Variants in ZNF507 observed in about 807,000 individuals in gnomAD.
ZNF507 encodes zinc finger protein 507.
Under a neutral mutation model 80.0 loss-of-function variants are expected in ZNF507, and 29 were observed. The observed-to-expected ratio is 0.36, with a 90% CI of 0.27 to 0.49. The LOEUF (loss-of-function observed/expected upper bound fraction) is 0.49. Ranked by LOEUF, ZNF507 falls within the 20% of genes least tolerant of loss-of-function variation. The probability of loss-of-function intolerance (pLI) is 0.98; values close to 1 mark genes in which losing one functional copy is unlikely to be tolerated. For synonymous variants in ZNF507, 462 were observed against 422.5 expected, an observed-to-expected ratio of 1.09 and a Z score of -1.15; for missense variants, 1,081 against 1,152.2, an observed-to-expected ratio of 0.94 and a Z score of 0.90.
intron 5 of ZNF507, chr19:32,380,629 G>A (rs1184666831): frequency 6.5e-7 from 1 of 1,535,054 alleles, no homozygotes; most frequent in East Asian, 2.4e-5. Context: ...AGGTAAGTAA[G>A]TTATCTGGTT....
chr19:32,368,004 T>C (rs1221254873), intron 5 of ZNF507, among the ~76,000 whole-genome samples: 1 of 152,118 alleles, frequency 6.6e-6, no homozygotes, highest in African/African-American at 2.4e-5. Flanking sequence ...TTTGTAGACA[T>C]GGAAACAGAG....
intron 5 of ZNF507, among the ~76,000 whole-genome samples, chr19:32,365,514 A>G (rs538729974): frequency 6.6e-6 from 1 of 152,238 alleles, no homozygotes; most frequent in Admixed American, 6.5e-5. Context: ...TTTTTGTATA[A>G]GGTGAGAGAT....
intron 2 of ZNF507, among the ~76,000 whole-genome samples, chr19:32,347,909 TTG>T (rs1170795077): frequency 2.0e-5 from 3 of 152,232 alleles, no homozygotes; most frequent in Non-Finnish European, 4.4e-5. Flanking sequence ...CTCCATATAC[TTG>T]TGATATTTAT....
At chr19:32,369,202 T>C (rs986729069) in intron 5 of ZNF507, among the ~76,000 whole-genome samples, 1 of 152,196 alleles carries the variant, frequency 6.6e-6, no homozygotes, top group East Asian at 1.9e-4. Flanking sequence ...TTGGGTGTTA[T>C]TGGTTAACAT....
intron 5 of ZNF507, among the ~76,000 whole-genome samples, chr19:32,373,315 C>A (rs1300356962): frequency 1.3e-5 from 2 of 152,096 alleles, no homozygotes; most frequent in Non-Finnish European, 2.9e-5. Context: ...TAATACTATC[C>A]CTTTGGAGGT....
chr19:32,354,863 C>T lies in ZNF507; in HGVS notation c.2033C>T (p.Ala678Val), dbSNP rs144941081. ...CAGTGTCCTATCTGCGAGCACATAG[C>T]GGACAACAGCAAAGATTTGGAGAGT... ...PYQCPICEHI[A>V]DNSKDLESHM... Residue 678 changes from alanine to valine, a missense_variant, in exon 3 of 7, where the codon GCG becomes GTG. Coordinates refer to ENST00000355898, the MANE Select transcript of ZNF507 (RefSeq NM_001136156.2). 27 of 1,614,046 alleles carry T rather than the reference C, an allele frequency of 1.7e-5. No individual in the cohort carries two copies. Among genetic ancestry groups the T allele is most frequent in the Admixed American group, 1.3e-4 (8 of 60,008 alleles).
intron 5 of ZNF507, among the ~76,000 whole-genome samples, chr19:32,374,110 A>T (rs1443576200): frequency 6.6e-6 from 1 of 151,958 alleles, no homozygotes; most frequent in Non-Finnish European, 1.5e-5. Flanking sequence ...GGGACTGATA[A>T]TGTTTAACTA....
rs1967703462 is a variant in ZNF507 at position 32,387,391 on chromosome 19, CA to C, written c.*4311del. 1 of 152,160 alleles carries C rather than the reference CA, an allele frequency of 6.6e-6. No individual in the cohort carries two copies. Among genetic ancestry groups the C allele is most frequent in the Non-Finnish European group, 1.5e-5 (1 of 68,030 alleles). The allele number at this position is 152,160 out of a possible 1,614,324, so 9.4% of individuals were successfully genotyped here. ...CACCTCAGTTGAAAGTGACCAAGGC[CA>C]AATATTTCGTCCCATGCTTCCCAGG... On this transcript the variant is annotated 3_prime_UTR_variant, in exon 7 of 7. Coordinates refer to ENST00000355898, the MANE Select transcript of ZNF507 (RefSeq NM_001136156.2).
At chr19:32,346,335 G>A (rs1471366992) in intron 1 of ZNF507, among the ~76,000 whole-genome samples, 1 of 152,170 alleles carries the variant, frequency 6.6e-6, no homozygotes, top group African/African-American at 2.4e-5. Context: ...TAAGACCTGG[G>A]GGCATCGGAA....
intron 5 of ZNF507, among the ~76,000 whole-genome samples, chr19:32,374,822 G>A (rs1361234391): frequency 6.6e-6 from 1 of 152,096 alleles, no homozygotes; most frequent in Non-Finnish European, 1.5e-5. Flanking sequence ...TGTCCTAGCT[G>A]GTACCTCCAC....
rs1400373681 is a variant in ZNF507, at chr19:32,366,419, A to AG, written c.2360+5801_2360+5802insG. Among the ~76,000 whole-genome samples, 7 of 151,758 alleles carry AG rather than the reference A, an allele frequency of 4.6e-5. No individual in the cohort carries two copies. The East Asian group carries it at 1.4e-3, about 29-fold the overall frequency. ...CACTATCTTGACTTCTAACATTATC[A>AG]ATTAGTGTTTTCTGTTTCTGAACTT... On this transcript the variant is annotated intron_variant, in intron 5 of 6. Transcript: ENST00000355898.
intron 5 of ZNF507, among the ~76,000 whole-genome samples, chr19:32,374,648 A>G (rs1193323194): frequency 6.6e-6 from 1 of 151,816 alleles, no homozygotes. Flanking sequence ...CACATGGCTA[A>G]TTTTTGTATT....
chr19:32,348,447 T>A (rs1251165729), intron 2 of ZNF507, among the ~76,000 whole-genome samples: 1 of 152,174 alleles, frequency 6.6e-6, no homozygotes, highest in African/African-American at 2.4e-5. Flanking sequence ...CAACTTGATT[T>A]TACTCATGAT....
At chr19:32,360,801 T>C (rs1967312406) in intron 5 of ZNF507, among the ~76,000 whole-genome samples, 183 bp downstream of exon 5, 2 of 152,228 alleles carry the variant, frequency 1.3e-5, no homozygotes, top group African/African-American at 4.8e-5. Context: ...AGTCAGTGTC[T>C]TGCTGTATTG....
intron 5 of ZNF507, among the ~76,000 whole-genome samples, chr19:32,365,030 A>T (rs916387814): frequency 6.6e-6 from 1 of 152,124 alleles, no homozygotes; most frequent in Non-Finnish European, 1.5e-5. Flanking sequence ...GTGGTATCAC[A>T]CTGTGGTTTT....
intron 2 of ZNF507, among the ~76,000 whole-genome samples, chr19:32,347,836 C>T (rs1333599051): frequency 6.6e-6 from 1 of 152,104 alleles, no homozygotes; most frequent in African/African-American, 2.4e-5. Flanking sequence ...GTCTTCATTG[C>T]AGCTGCCAAA....
At chr19:32,351,333 G>A (rs1967160049) in intron 2 of ZNF507, among the ~76,000 whole-genome samples, 1 of 151,620 alleles carries the variant, frequency 6.6e-6, no homozygotes, top group African/African-American at 2.4e-5. Context: ...CTAGAAAGCT[G>A]GCTTGCCAGA....
intron 4 of ZNF507, chr19:32,357,219 C>T (rs530341122): frequency 6.6e-6 from 1 of 151,206 alleles, no homozygotes; most frequent in East Asian, 2.0e-4. Flanking sequence ...CACACACAGA[C>T]ACACAAGATC....
At chr19:32,377,448 T>G (rs1967565478) in intron 5 of ZNF507, among the ~76,000 whole-genome samples, 1 of 152,170 alleles carries the variant, frequency 6.6e-6, no homozygotes, top group Non-Finnish European at 1.5e-5. Context: ...TATAATAGTA[T>G]TGGAATAAAG....
Sources: allele counts gnomAD v4.1 joint callset (sites outside exome capture counted in the v4.1 genomes callset), GRCh38; gene constraint gnomAD v4.1.1; transcripts MANE v1.5; gene names NCBI Gene and HGNC (gene_info 2026-07-23, HGNC 2026-07-21).